Variants in PPFIA2 observed in about 807,000 individuals in gnomAD.
PPFIA2 encodes the protein PPFI scaffold protein A2, also known as liprin-alpha-2.
In PPFIA2, 46 loss-of-function variants were observed where a neutral mutation model predicts 175.5. The ratio of observed to expected loss-of-function variants is 0.26; its 90% CI spans 0.21 to 0.34. The LOEUF (loss-of-function observed/expected upper bound fraction) is 0.34. Ranked by LOEUF, PPFIA2 falls within the 10% of genes least tolerant of loss-of-function variation. The probability of loss-of-function intolerance (pLI) is 1.00; values close to 1 mark genes in which losing one functional copy is unlikely to be tolerated. For missense variants in PPFIA2, 1,179 were observed against 1,506.1 expected (o/e 0.78, Z 3.60); for synonymous variants, 568 against 511.4 (o/e 1.11, Z -1.49).
intron 4 of PPFIA2, among the ~76,000 whole-genome samples, chr12:81,558,488 C>T (rs1489217592): frequency 1.3e-5 from 2 of 152,152 alleles, no homozygotes; most frequent in Non-Finnish European, 2.9e-5. Flanking sequence ...AATAGTTACA[C>T]TACCTGGAGA....
Position 81,415,774 on chromosome 12 carries a change from C to T in PPFIA2, c.646-9871G>A, listed in dbSNP as rs554338207. On this transcript the variant is annotated intron_variant, in intron 7 of 32. Coordinates refer to ENST00000549396, the MANE Select transcript of PPFIA2 (RefSeq NM_003625.5). ...TTTTGCAGGAGATGTTTACACTATCCATTTAACTTAGAATTATAATATTCA... is the reference window on the plus strand; with the variant it reads ...TTTTGCAGGAGATGTTTACACTATCTATTTAACTTAGAATTATAATATTCA... Among the ~76,000 whole-genome samples the T allele has an allele frequency of 4.7e-5, 7 of 150,306 alleles. No homozygotes were observed. The South Asian group carries it at 6.3e-4, about 13-fold the overall frequency.
chr12:81,618,535 T>C (rs1164790756), intron 4 of PPFIA2, among the ~76,000 whole-genome samples: 1 of 145,604 alleles, frequency 6.9e-6, no homozygotes, highest in Non-Finnish European at 1.5e-5. Flanking sequence ...ACTTTTTTTT[T>C]TTTTTTTTTT....
intron 4 of PPFIA2, among the ~76,000 whole-genome samples, chr12:81,593,886 G>A (rs1485323815): frequency 6.6e-6 from 1 of 152,124 alleles, no homozygotes; most frequent in African/African-American, 2.4e-5. Context: ...CCCAACTGGT[G>A]GTACCTGTCC....
intron 3 of PPFIA2, among the ~76,000 whole-genome samples, chr12:81,716,621 C>T (rs1216606218): frequency 2.4e-4 from 36 of 151,124 alleles, no homozygotes; most frequent in African/African-American, 7.0e-4. Context: ...GTGGAAAACA[C>T]GAAAGCAAAA....
chr12:81,631,646 T>C (rs544216149), intron 4 of PPFIA2, among the ~76,000 whole-genome samples: 6 of 152,326 alleles, frequency 3.9e-5, no homozygotes, highest in Admixed American at 1.3e-4. Context: ...AACCTTGAAA[T>C]TGGAAGATAC....
chr12:81,527,706 G>T (rs1194081993), intron 4 of PPFIA2, among the ~76,000 whole-genome samples: 1 of 152,070 alleles, frequency 6.6e-6, no homozygotes, highest in African/African-American at 2.4e-5. Context: ...AAATTCGTAT[G>T]TTGGAACTCT....
intron 7 of PPFIA2, among the ~76,000 whole-genome samples, chr12:81,424,546 G>A (rs989003221): frequency 2.0e-5 from 3 of 151,836 alleles, no homozygotes; most frequent in Admixed American, 6.6e-5. Flanking sequence ...TTTATGTTTT[G>A]TGTGTTCTAG....
At chr12:81,550,975 G>A (rs1594830912) in intron 4 of PPFIA2, among the ~76,000 whole-genome samples, 1 of 151,878 alleles carries the variant, frequency 6.6e-6, no homozygotes, top group Admixed American at 6.6e-5. Context: ...GATAAATGGT[G>A]CATTATGATG....
At chr12:81,622,944 G>A (rs139055710) in intron 4 of PPFIA2, among the ~76,000 whole-genome samples, 3 of 152,222 alleles carry the variant, frequency 2.0e-5, no homozygotes, top group Non-Finnish European at 4.4e-5. Flanking sequence ...ACTGATGTGA[G>A]TAAGAATATA....
At chr12:81,651,807 C>T (rs2067067420) in intron 4 of PPFIA2, among the ~76,000 whole-genome samples, 2 of 152,148 alleles carry the variant, frequency 1.3e-5, no homozygotes, top group South Asian at 4.1e-4. Flanking sequence ...GGACTTCATT[C>T]CTATCTCACA....
intron 16 of PPFIA2, 55 bp from the exon 17 acceptor site, chr12:81,353,394 C>T: frequency 7.7e-7 from 1 of 1,303,786 alleles, no homozygotes; most frequent in Non-Finnish European, 1.1e-6. Flanking sequence ...ATTTTCAAAG[C>T]ATTAATCTCA....
intron 4 of PPFIA2, among the ~76,000 whole-genome samples, chr12:81,584,816 C>G (rs4842398): frequency 1.1e-4 from 14 of 122,962 alleles, no homozygotes; most frequent in Non-Finnish European, 2.1e-4. Flanking sequence ...TTATTATATA[C>G]AATAAATTTA....
chr12:81,535,378 C>T (rs1344992710), intron 4 of PPFIA2: 1 of 455,282 alleles, frequency 2.2e-6, no homozygotes, highest in Admixed American at 2.4e-5. Flanking sequence ...TAGTCACCAG[C>T]ACTGGATTTC....
chr12:81,560,271 T>TGA (rs1189980441), intron 4 of PPFIA2, among the ~76,000 whole-genome samples: 7 of 151,184 alleles, frequency 4.6e-5, no homozygotes, highest in African/African-American at 7.3e-5. Flanking sequence ...TATGTGTGTG[T>TGA]GTGAGAGAGA....
Position 81,277,346 on chromosome 12 carries a change from C to A in PPFIA2, c.3281G>T (p.Arg1094Ile). 6.4e-7 allele frequency: 1 copy of A among 1,570,524 alleles called. No homozygotes were observed. The highest frequency in any genetic ancestry group is 8.6e-7 in the Non-Finnish European group (1 of 1,157,064). Residue 1094 changes from arginine to isoleucine, a missense_variant, in exon 28 of 33, where the codon AGA (arginine) becomes ATA (isoleucine). Arg to Ile is a moderately conservative substitution (Grantham distance 97). Transcript: ENST00000549396. ...TATTTCATGTTGGCTTGCTTCCCGT[C>A]TTCTTTCTAGTTCTTTTCTGTCATA... The part of the protein sequence containing the change: ...LNYDRKELER[R>I]REASQHEIKD...
Position 81,353,465 on chromosome 12 carries a change from T to C in PPFIA2, c.1774-126A>G, listed in dbSNP as rs770317847. The C allele has an allele frequency of 1.3e-4, 80 of 638,842 alleles. 1 individual carries two copies. Among genetic ancestry groups the C allele is most frequent in the Non-Finnish European group, 2.0e-4 (73 of 363,868 alleles). The allele number at this position is 638,842 out of a possible 1,614,324, so 39.6% of individuals were successfully genotyped here. On this transcript the variant is annotated intron_variant, in intron 16 of 32. Transcript: ENST00000549396. Reference sequence around the variant, plus strand: ...GACCTTGCAAAAACTGAACCAATTATTAACATTTTAATTTATTTGCTTCCA... The same window carrying C: ...GACCTTGCAAAAACTGAACCAATTACTAACATTTTAATTTATTTGCTTCCA...
intron 4 of PPFIA2, among the ~76,000 whole-genome samples, chr12:81,582,973 A>G (rs2074643875): frequency 6.6e-6 from 1 of 151,868 alleles, no homozygotes; most frequent in Admixed American, 6.6e-5. Flanking sequence ...TCCTATGTTC[A>G]TTACCTAAAG....
At chr12:81,416,839 G>A (rs952972031) in intron 7 of PPFIA2, among the ~76,000 whole-genome samples, 3 of 151,684 alleles carry the variant, frequency 2.0e-5, no homozygotes, top group Non-Finnish European at 3.0e-5. Context: ...AAGATACTGA[G>A]TTAGGCTGAG....
chr12:81,703,539 G>T (rs2076746414), intron 3 of PPFIA2, among the ~76,000 whole-genome samples: 1 of 152,010 alleles, frequency 6.6e-6, no homozygotes, highest in African/African-American at 2.4e-5. Flanking sequence ...ACTAAAATAT[G>T]TCCCTCACTG....
Sources: allele counts gnomAD v4.1 joint callset (sites outside exome capture counted in the v4.1 genomes callset), GRCh38; gene constraint gnomAD v4.1.1; transcripts MANE v1.5; gene names NCBI Gene and HGNC (gene_info 2026-07-23, HGNC 2026-07-21).